ALPK1: variants seen among roughly 807,000 people sequenced by gnomAD.
ALPK1 encodes alpha-protein kinase 1.
ALPK1 carries 110 observed loss-of-function variants against 120.6 expected under a neutral mutation model. That is an observed-to-expected ratio of 0.91 (90% CI 0.78 to 1.07). The LOEUF (loss-of-function observed/expected upper bound fraction) is 1.07. ALPK1 is among the 50% of genes least tolerant of loss of function. The pLI is 0.00. For missense variants in ALPK1, 1,498 were observed against 1,483.9 expected (o/e 1.01, Z -0.16); for synonymous variants, 582 against 560.3 (o/e 1.04, Z -0.55).
chr4:112,332,290 T>C (rs752197802), intron 2 of ALPK1, among the ~76,000 whole-genome samples: 1 of 152,234 alleles, frequency 6.6e-6, no homozygotes, highest in Non-Finnish European at 1.5e-5. Context: ...ACCAAGTATT[T>C]GTGCCTCTTT....
At chr4:112,366,726 T>G (rs1303398912) in intron 2 of ALPK1, among the ~76,000 whole-genome samples, 1 of 152,194 alleles carries the variant, frequency 6.6e-6, no homozygotes, top group Admixed American at 6.5e-5. Flanking sequence ...GAAGTCATTA[T>G]ATGAAAAAGA....
At chr4:112,371,808 A>G (rs1731419371) in intron 2 of ALPK1, among the ~76,000 whole-genome samples, 1 of 152,248 alleles carries the variant, frequency 6.6e-6, no homozygotes, top group African/African-American at 2.4e-5. Flanking sequence ...ATATACATAC[A>G]TAAAAACGAT....
chr4:112,332,370 A>T (rs2148701517), intron 2 of ALPK1, among the ~76,000 whole-genome samples: 1 of 152,316 alleles, frequency 6.6e-6, no homozygotes, highest in Admixed American at 6.5e-5. Flanking sequence ...ATCTCAATAT[A>T]CTCCAGATCT....
chr4:112,308,096 A>T lies in ALPK1; in HGVS notation c.-152-7705A>T, dbSNP rs555916673. ...TGGCCCCCACTCTCTTCTGGCTTGT[A>T]GAGTTTCTGCCGAGAGATCAGCTGT... On this transcript the variant is annotated intron_variant, in intron 1 of 15. Transcript: ENST00000650871. 3.0e-4 allele frequency among the ~76,000 whole-genome samples: 45 copies of T among 152,204 alleles called. No individual in the cohort carries two copies. In the South Asian group the frequency reaches 8.7e-3, roughly 29 times the overall value.
At chr4:112,422,827 T>C (rs1173573073) in intron 5 of ALPK1, among the ~76,000 whole-genome samples, 1 of 152,088 alleles carries the variant, frequency 6.6e-6, no homozygotes, top group Non-Finnish European at 1.5e-5. Flanking sequence ...GCCTCAGCTG[T>C]CCTCTGCATG....
chr4:112,431,499 A>G lies in ALPK1; in HGVS notation c.1952A>G (p.Gln651Arg). The part of the protein sequence containing the change: ...LHSQLHDLSL[Q>R]EPNNDNLEPS... The stretch of plus-strand genomic sequence containing the variant: ...TCACAGCTTCATGATCTCTCTCTTC[A>G]GGAACCCAACAATGACAATTTGGAG... Residue 651 changes from glutamine (Q) to arginine (R), a missense_variant, in exon 11 of 16, where the codon CAG becomes CGG. Transcript: ENST00000650871. The G allele has an allele frequency of 6.2e-7, 1 of 1,614,190 alleles. No homozygotes were observed. Among genetic ancestry groups the G allele is most frequent in the Non-Finnish European group, 8.5e-7 (1 of 1,180,014 alleles).
chr4:112,307,727 A>G (rs1235345362), intron 1 of ALPK1, among the ~76,000 whole-genome samples: 2 of 152,038 alleles, frequency 1.3e-5, no homozygotes, highest in Admixed American at 1.3e-4. Context: ...TCTTTTAATT[A>G]GAGCATTTAG....
Position 112,439,745 on chromosome 4 carries a change from A to G in ALPK1, c.3411A>G (p.Glu1137=), listed in dbSNP as rs1167941014. ...CISVEPYILG[E]FVKLSNNTKV... ...GTGTGGAGCCTTACATACTGGGAGA[A>G]TTTGTAAAATTGTCAAATAACACGA... The change falls in exon 14 of 16, where the codon GAA becomes GAG. Residue 1137 remains glutamate, a synonymous_variant. Transcript: ENST00000650871. 2 of 1,613,716 alleles carry G rather than the reference A, an allele frequency of 1.2e-6. No homozygotes were observed. The highest frequency in any genetic ancestry group is 3.3e-5 in the Admixed American group (2 of 59,950).
At chr4:112,321,617 G>A (rs1728870230) in intron 2 of ALPK1, among the ~76,000 whole-genome samples, 1 of 152,090 alleles carries the variant, frequency 6.6e-6, no homozygotes, top group African/African-American at 2.4e-5. Flanking sequence ...CAATCATTCA[G>A]GAGCAGGTTA....
At chr4:112,391,159 G>A (rs1451912084) in intron 4 of ALPK1, among the ~76,000 whole-genome samples, 1 of 152,150 alleles carries the variant, frequency 6.6e-6, no homozygotes, top group East Asian at 1.9e-4. Flanking sequence ...CTCACAACCT[G>A]TCTTAGTCTA....
chr4:112,423,725 G>C, intron 5 of ALPK1: 1 of 677,246 alleles, frequency 1.5e-6, no homozygotes, highest in Non-Finnish European at 2.7e-6. Context: ...TTTCATTTCA[G>C]ATACTGTCCA....
chr4:112,310,923 C>T (rs546816720), intron 1 of ALPK1, among the ~76,000 whole-genome samples: 1 of 152,062 alleles, frequency 6.6e-6, no homozygotes, highest in African/African-American at 2.4e-5. Flanking sequence ...GCGGAAGTAG[C>T]ACTACAGAAT....
chr4:112,409,213 G>A (rs1733336683), intron 4 of ALPK1, among the ~76,000 whole-genome samples: 1 of 152,120 alleles, frequency 6.6e-6, no homozygotes, highest in South Asian at 2.1e-4. Context: ...CCTTGATCTG[G>A]TCGTGGGGTG....
intron 11 of ALPK1, among the ~76,000 whole-genome samples, chr4:112,432,905 A>G (rs1050811873): frequency 2.1e-4 from 32 of 152,346 alleles, no homozygotes; most frequent in African/African-American, 7.7e-4. Context: ...AGGCCGTCTC[A>G]TCCACTCAGC....
chr4:112,359,390 C>T (rs1408532621), intron 2 of ALPK1: 3 of 338,874 alleles, frequency 8.9e-6, no homozygotes, highest in African/African-American at 2.1e-5. Flanking sequence ...TACTGGCTGC[C>T]CTGACCACTG....
intron 1 of ALPK1, among the ~76,000 whole-genome samples, chr4:112,307,831 T>C (rs1325990482): frequency 6.6e-6 from 1 of 152,170 alleles, no homozygotes; most frequent in Non-Finnish European, 1.5e-5. Flanking sequence ...TGATGCAGTT[T>C]CTTCCTAGCA....
intron 3 of ALPK1, among the ~76,000 whole-genome samples, chr4:112,379,518 C>A (rs1301415736): frequency 1.3e-5 from 2 of 152,268 alleles, no homozygotes; most frequent in Non-Finnish European, 2.9e-5. Flanking sequence ...GCCCACCGTG[C>A]GGATGGAGTG....
chr4:112,345,991 G>A (rs1008525528), intron 2 of ALPK1, among the ~76,000 whole-genome samples: 19 of 152,154 alleles, frequency 1.2e-4, no homozygotes, highest in African/African-American at 4.3e-4. Context: ...AGCCTCCTGA[G>A]TACCTGGGAT....
chr4:112,361,530 C>A (rs1187789551), intron 2 of ALPK1, among the ~76,000 whole-genome samples: 3 of 152,302 alleles, frequency 2.0e-5, no homozygotes, highest in Non-Finnish European at 4.4e-5. Context: ...GGCCTGGGAA[C>A]AAGACCCCCA....
Sources: allele counts gnomAD v4.1 joint callset (sites outside exome capture counted in the v4.1 genomes callset), GRCh38; gene constraint gnomAD v4.1.1; transcripts MANE v1.5; gene names NCBI Gene and HGNC (gene_info 2026-07-23, HGNC 2026-07-21).